The following DPP10 variants were observed in gnomAD, a reference collection of about 807,000 sequenced individuals.
The protein encoded by DPP10 is dipeptidyl peptidase like 10, also known as inactive dipeptidyl peptidase 10.
Under a neutral mutation model 120.9 loss-of-function variants are expected in DPP10, and 33 were observed. The ratio of observed to expected loss-of-function variants is 0.27; its 90% CI spans 0.21 to 0.37. DPP10 has a LOEUF of 0.37. DPP10 is among the 10% of genes least tolerant of loss of function. The pLI is 1.00. For missense variants in DPP10, 816 were observed against 942.8 expected (o/e 0.87, Z 1.76); for synonymous variants, 337 against 326.1 (o/e 1.03, Z -0.36).
At chr2:114,791,304 T>A (rs566928712) in intron 1 of DPP10, among the ~76,000 whole-genome samples, 9 of 152,192 alleles carry the variant, frequency 5.9e-5, no homozygotes, top group African/African-American at 2.2e-4. Context: ...AGGTCAACTT[T>A]CATCTGCTTT....
intron 1 of DPP10, among the ~76,000 whole-genome samples, chr2:114,926,548 G>A (rs991560705): frequency 4.6e-5 from 7 of 152,156 alleles, no homozygotes; most frequent in South Asian, 2.1e-4. Context: ...CTGAATTTCC[G>A]TAGTGGAGAC....
intron 4 of DPP10, among the ~76,000 whole-genome samples, chr2:115,514,198 C>G (rs1163022250): frequency 6.6e-6 from 1 of 151,866 alleles, no homozygotes; most frequent in Non-Finnish European, 1.5e-5. Context: ...TTCTCTTTGT[C>G]TAAGTTTTGT....
At chr2:115,763,283 G>A (rs551454103) in intron 12 of DPP10, among the ~76,000 whole-genome samples, 47 of 151,896 alleles carry the variant, frequency 3.1e-4, no homozygotes, top group African/African-American at 1.1e-3. Flanking sequence ...TACGTCTATG[G>A]CGTTAATGAC....
At chr2:114,665,002 C>G (rs185380028) in intron 1 of DPP10, among the ~76,000 whole-genome samples, 6 of 144,592 alleles carry the variant, frequency 4.1e-5, no homozygotes, top group East Asian at 2.0e-4. Flanking sequence ...AAAGATGGCA[C>G]AGAGCATACA....
intron 1 of DPP10, among the ~76,000 whole-genome samples, chr2:115,178,851 C>G (rs185158802): frequency 1.3e-5 from 2 of 152,104 alleles, no homozygotes; most frequent in Middle Eastern, 3.2e-3. Context: ...AAAATATCAT[C>G]GGGTCAAAAA....
intron 3 of DPP10, among the ~76,000 whole-genome samples, chr2:115,434,883 A>G (rs1045634079): frequency 2.6e-5 from 4 of 151,682 alleles, no homozygotes; most frequent in African/African-American, 7.3e-5. Flanking sequence ...CTCTATCTCC[A>G]TGAAATCCAC....
At chr2:115,569,788 C>T (rs2149084727) in intron 5 of DPP10, among the ~76,000 whole-genome samples, 2 of 152,268 alleles carry the variant, frequency 1.3e-5, no homozygotes, top group Middle Eastern at 6.8e-3. Context: ...TGGAGTAAAC[C>T]AGGAGCTTAG....
intron 1 of DPP10, among the ~76,000 whole-genome samples, chr2:114,455,297 C>A (rs1037868873): frequency 1.3e-5 from 2 of 152,044 alleles, no homozygotes; most frequent in Admixed American, 6.6e-5. Flanking sequence ...GTAATCCCAG[C>A]ACTTAGGGAG....
At chr2:115,478,352 A>G (rs775726329) in intron 3 of DPP10, among the ~76,000 whole-genome samples, 13 of 152,218 alleles carry the variant, frequency 8.5e-5, no homozygotes, top group Non-Finnish European at 1.6e-4. Flanking sequence ...TTGTTTATCT[A>G]CATGCAACAG....
At chr2:115,556,280 G>A (rs949156943) in intron 5 of DPP10, among the ~76,000 whole-genome samples, 1 of 150,920 alleles carries the variant, frequency 6.6e-6, no homozygotes, top group East Asian at 2.0e-4. Flanking sequence ...CCTCTGGGCT[G>A]TATGTGGCCC....
At chr2:114,662,304 T>C (rs1697474415) in intron 1 of DPP10, among the ~76,000 whole-genome samples, 1 of 152,042 alleles carries the variant, frequency 6.6e-6, no homozygotes, top group East Asian at 2.0e-4. Context: ...AAGTCCAAAA[T>C]CTCCTCGGCA....
intron 1 of DPP10, among the ~76,000 whole-genome samples, chr2:114,977,566 T>C (rs1699830229): frequency 6.6e-6 from 1 of 152,106 alleles, no homozygotes; most frequent in Non-Finnish European, 1.5e-5. Flanking sequence ...TAGAGCCAGC[T>C]CTCCTAGACA....
chr2:115,746,245 G>C (rs991158256), intron 10 of DPP10, 62 bp downstream of exon 10: 11 of 1,411,658 alleles, frequency 7.8e-6, no homozygotes, highest in Non-Finnish European at 9.9e-6. Flanking sequence ...TTATCATTTT[G>C]TTGCAATTTA....
At position 114,494,961 on chromosome 2, in the gene DPP10, A is replaced by G. The variant is rs565957474; in HGVS notation, c.60+52123A>G. On this transcript the variant is annotated intron_variant, in intron 1 of 25. Coordinates refer to ENST00000410059, the MANE Select transcript of DPP10 (RefSeq NM_020868.6). ...AGAGTTCATTTTGTAGTGAAATGCT[A>G]TGTTTTGTGTGGAGAAGTTTTCTAT... 2.6e-5 allele frequency among the ~76,000 whole-genome samples: 4 copies of G among 152,120 alleles called. No homozygotes were observed. The South Asian group carries it at 8.3e-4, about 32-fold the overall frequency.
intron 1 of DPP10, among the ~76,000 whole-genome samples, chr2:115,094,539 A>AGT (rs1709555725): frequency 3.3e-5 from 5 of 152,184 alleles, no homozygotes; most frequent in Non-Finnish European, 4.4e-5. Context: ...CTGCAAATAC[A>AGT]ATAAGAAGAT....
intron 1 of DPP10, among the ~76,000 whole-genome samples, chr2:114,627,610 T>A (rs541012238): frequency 6.6e-6 from 1 of 151,900 alleles, no homozygotes; most frequent in Non-Finnish European, 1.5e-5. Flanking sequence ...TGGGATTTTT[T>A]TTAGGTAGGG....
intron 3 of DPP10, among the ~76,000 whole-genome samples, chr2:115,444,405 G>A (rs708648): frequency 1.1e-4 from 16 of 152,190 alleles, no homozygotes; most frequent in Admixed American, 2.0e-4. Flanking sequence ...AATTAAGAAA[G>A]TGAAGGGCAT....
At chr2:115,684,618 G>T (rs1456457362) in intron 5 of DPP10, among the ~76,000 whole-genome samples, 19 of 151,518 alleles carry the variant, frequency 1.3e-4, no homozygotes. Context: ...ATATCAATTC[G>T]GCTGTTCAAC....
intron 1 of DPP10, among the ~76,000 whole-genome samples, chr2:115,045,659 G>C (rs1705009828): frequency 6.6e-6 from 1 of 152,128 alleles, no homozygotes; most frequent in Non-Finnish European, 1.5e-5. Context: ...GGGGACGGCG[G>C]AGGGATGGTA....
Sources: allele counts gnomAD v4.1 joint callset (sites outside exome capture counted in the v4.1 genomes callset), GRCh38; gene constraint gnomAD v4.1.1; transcripts MANE v1.5; gene names NCBI Gene and HGNC (gene_info 2026-07-23, HGNC 2026-07-21).